Variants in ME3 observed in about 807,000 individuals in gnomAD.
ME3 encodes NADP-dependent malic enzyme, mitochondrial.
In ME3, 48 loss-of-function variants were observed where a neutral mutation model predicts 68.9. The observed-to-expected ratio is 0.70, with a 90% CI of 0.55 to 0.89. The LOEUF is 0.89. Ranked by LOEUF, ME3 falls within the 40% of genes least tolerant of loss-of-function variation. The probability of loss-of-function intolerance (pLI) is 0.00; values close to 1 mark genes in which losing one functional copy is unlikely to be tolerated. For synonymous variants in ME3, 320 were observed against 318.8 expected, an observed-to-expected ratio of 1.00 and a Z score of -0.04; for missense variants, 675 against 797.4, an observed-to-expected ratio of 0.85 and a Z score of 1.85.
intron 4 of ME3, among the ~76,000 whole-genome samples, chr11:86,543,372 G>C (rs796247726): frequency 6.6e-6 from 1 of 152,188 alleles, no homozygotes; most frequent in Non-Finnish European, 1.5e-5. Context: ...ATTGGATAAA[G>C]AGTCAAGAAC....
intron 4 of ME3, among the ~76,000 whole-genome samples, chr11:86,540,480 C>T (rs1007339299): frequency 6.6e-6 from 1 of 152,152 alleles, no homozygotes; most frequent in African/African-American, 2.4e-5. Context: ...TGGTATGACA[C>T]ACCCCAGATA....
intron 4 of ME3, among the ~76,000 whole-genome samples, chr11:86,555,999 G>GA (rs971471800): frequency 7.3e-5 from 11 of 151,482 alleles, no homozygotes; most frequent in African/African-American, 2.4e-4. Flanking sequence ...AAGTCATTTT[G>GA]AAAAAAAACC....
intron 5 of ME3, among the ~76,000 whole-genome samples, chr11:86,506,346 T>C (rs1254071215): frequency 6.6e-6 from 1 of 152,236 alleles, no homozygotes; most frequent in African/African-American, 2.4e-5. Flanking sequence ...TCAATAGATA[T>C]TTAGCTCCTA....
chr11:86,493,605 A>G (rs1470817289), intron 6 of ME3, among the ~76,000 whole-genome samples: 2 of 152,238 alleles, frequency 1.3e-5, no homozygotes, highest in African/African-American at 4.8e-5. Context: ...AATAAATCCA[A>G]TCCACACGTA....
chr11:86,458,684 G>A lies in ME3; in HGVS notation c.919+6407C>T, dbSNP rs77930040. 3.7e-4 allele frequency among the ~76,000 whole-genome samples: 57 copies of A among 152,228 alleles called. No individual in the cohort carries two copies. In the East Asian group the frequency reaches 9.9e-3, roughly 26 times the overall value. ...TTAAAGAGACCAGGGGAAGTTTCATGGCAGGGGGAGAGATCAAGGAAAGGC... is the reference window on the plus strand; with the variant it reads ...TTAAAGAGACCAGGGGAAGTTTCATAGCAGGGGGAGAGATCAAGGAAAGGC... On this transcript the variant is annotated intron_variant, in intron 8 of 14. Transcript: ENST00000543262.
chr11:86,670,775 T>A (rs894694826), intron 2 of ME3, among the ~76,000 whole-genome samples: 10 of 152,232 alleles, frequency 6.6e-5, no homozygotes, highest in Non-Finnish European at 1.3e-4. Context: ...AAAAATTTAT[T>A]TTGCAGTAAT....
intron 4 of ME3, among the ~76,000 whole-genome samples, chr11:86,555,475 G>T (rs141967023): frequency 3.3e-5 from 5 of 152,266 alleles, no homozygotes; most frequent in Admixed American, 3.3e-4. Flanking sequence ...AACTGTTATG[G>T]AGCCCTGGCA....
intron 2 of ME3, chr11:86,622,956 G>T (rs975743628): frequency 1.3e-5 from 2 of 150,572 alleles, no homozygotes; most frequent in African/African-American, 5.0e-5. Context: ...ATGACCTTGT[G>T]TAAATGACAT....
intron 2 of ME3, among the ~76,000 whole-genome samples, chr11:86,627,197 A>G (rs1431132914): frequency 3.3e-5 from 5 of 152,232 alleles, no homozygotes; most frequent in African/African-American, 1.2e-4. Flanking sequence ...AGCTCTGGAA[A>G]GTTGGGTTAT....
chr11:86,544,031 T>G (rs1456673565), intron 4 of ME3, among the ~76,000 whole-genome samples: 1 of 149,446 alleles, frequency 6.7e-6, no homozygotes. Context: ...ACATGTAAAC[T>G]GAACAAACTA....
chr11:86,550,164 G>GA (rs1249848934), intron 4 of ME3, among the ~76,000 whole-genome samples: 2 of 152,208 alleles, frequency 1.3e-5, no homozygotes, highest in African/African-American at 4.8e-5. Flanking sequence ...CCGGGACTGA[G>GA]AATTGGTGCT....
chr11:86,553,904 T>C (rs1375713289), intron 4 of ME3, among the ~76,000 whole-genome samples: 1 of 151,518 alleles, frequency 6.6e-6, no homozygotes, highest in Non-Finnish European at 1.5e-5. Flanking sequence ...AGTGTGGTGG[T>C]TGCCTGTCTA....
intron 8 of ME3, chr11:86,457,366 C>T: frequency 3.2e-6 from 1 of 315,250 alleles, no homozygotes; most frequent in Non-Finnish European, 4.8e-6. Context: ...ACTGACCCAC[C>T]TCTTGTCAGG....
chr11:86,601,488 G>A (rs1379616546), intron 2 of ME3, among the ~76,000 whole-genome samples: 1 of 152,048 alleles, frequency 6.6e-6, no homozygotes, highest in Non-Finnish European at 1.5e-5. Context: ...AAGAGTCCAG[G>A]ACCAGATGGA....
At chr11:86,659,116 A>C (rs758728641) in intron 2 of ME3, among the ~76,000 whole-genome samples, 47 of 152,332 alleles carry the variant, frequency 3.1e-4, no homozygotes, top group Non-Finnish European at 6.2e-4. Context: ...CATAAAATTC[A>C]AAAGGAGGGT....
intron 2 of ME3, among the ~76,000 whole-genome samples, chr11:86,634,924 C>CAAA (rs1944239786): frequency 6.6e-6 from 1 of 150,824 alleles, no homozygotes; most frequent in Non-Finnish European, 1.5e-5. Flanking sequence ...ACAACAACAA[C>CAAA]AAAAAACCCA....
At chr11:86,618,330 G>A (rs1347684202) in intron 2 of ME3, among the ~76,000 whole-genome samples, 359 of 55,872 alleles carry the variant, frequency 6.4e-3, no homozygotes, top group Non-Finnish European at 0.011. Flanking sequence ...AAAAAAAAAA[G>A]TAGGATCATA....
chr11:86,537,203 G>A (rs927317689), intron 4 of ME3, among the ~76,000 whole-genome samples: 70 of 151,150 alleles, frequency 4.6e-4, no homozygotes, highest in African/African-American at 1.6e-3. Flanking sequence ...GAGTTAGTGG[G>A]TGCAGCACAC....
At chr11:86,552,225 T>A (rs1180013781) in intron 4 of ME3, among the ~76,000 whole-genome samples, 2 of 152,018 alleles carry the variant, frequency 1.3e-5, no homozygotes, top group African/African-American at 4.8e-5. Flanking sequence ...GCTGAGGAGG[T>A]GCTAAATTAA....
Sources: allele counts gnomAD v4.1 joint callset (sites outside exome capture counted in the v4.1 genomes callset), GRCh38; gene constraint gnomAD v4.1.1; transcripts MANE v1.5; gene names NCBI Gene and HGNC (gene_info 2026-07-23, HGNC 2026-07-21).